Variants in FRMD7 observed in about 807,000 individuals in gnomAD.
The protein encoded by FRMD7 is FERM domain containing 7.
FRMD7 carries 14 observed loss-of-function variants against 44.1 expected under a neutral mutation model. The ratio of observed to expected loss-of-function variants is 0.32; its 90% CI spans 0.21 to 0.50. The LOEUF is 0.50. FRMD7 is among the 20% of genes least tolerant of loss of function. The pLI, the probability that FRMD7 is intolerant of heterozygous loss-of-function variation, is 0.99. For synonymous variants in FRMD7, 212 were observed against 187.4 expected (o/e 1.13, Z -1.07); for missense variants, 501 against 522.3 (o/e 0.96, Z 0.40).
At chrX:132,114,921 T>C (rs1252903851) in intron 1 of FRMD7, among the ~76,000 whole-genome samples, 1 of 112,508 alleles carries the variant, frequency 8.9e-6, no homozygotes, top group Non-Finnish European at 1.9e-5. Flanking sequence ...ACCTAGTCTC[T>C]TCACTTGGGT....
chrX:132,087,364 T>G lies in FRMD7; in HGVS notation c.383-1330A>C, dbSNP rs968559873. Among the ~76,000 whole-genome samples, 3 of 111,700 alleles carry G rather than the reference T, an allele frequency of 2.7e-5. No homozygotes were observed. In the South Asian group the frequency reaches 1.1e-3, roughly 43 times the overall value. ...TCTATTGGATAAGATACATGGACAATAGGATACCTATTTTGAGTGCTGGAG... is the reference window on the plus strand; with the variant it reads ...TCTATTGGATAAGATACATGGACAAGAGGATACCTATTTTGAGTGCTGGAG... On this transcript the variant is annotated intron_variant, in intron 5 of 11. Transcript: ENST00000298542.
At chrX:132,091,990 A>T (rs1928190686) in intron 5 of FRMD7, among the ~76,000 whole-genome samples, 1 of 112,194 alleles carries the variant, frequency 8.9e-6, no homozygotes, top group Non-Finnish European at 1.9e-5. Flanking sequence ...GCTACCATGC[A>T]TTATATAATT....
chrX:132,078,710 A>G lies in FRMD7; in HGVS notation c.1307T>C (p.Ile436Thr). Residue 436 changes from isoleucine to threonine, a missense_variant, in exon 12 of 12, where the codon ATT becomes ACT. Physicochemically the swap from Ile to Thr is moderately conservative, Grantham distance 89. This residue lies in a region of FRMD7 where 453 missense variants were observed against 452.7 expected (regional missense o/e 1.00). Transcript: ENST00000298542. ...EPNPNPDPRDIFSERSSLSSF... is the reference protein window; with the variant it reads ...EPNPNPDPRDTFSERSSLSSF... The stretch of plus-strand genomic sequence containing the variant: ...GCTTAGAGAACTCCTCTCTGAAAAA[A>G]TGTCTCTGGGATCAGGGTTAGGATT... The G allele has an allele frequency of 8.3e-7, 1 of 1,211,422 alleles. No individual in the cohort carries two copies. Among genetic ancestry groups the G allele is most frequent in the Non-Finnish European group, 1.1e-6 (1 of 895,127 alleles).
intron 4 of FRMD7, among the ~76,000 whole-genome samples, chrX:132,095,750 A>C (rs187050669): frequency 3.5e-5 from 4 of 112,819 alleles, no homozygotes; most frequent in African/African-American, 9.6e-5. Context: ...ACTAAAGTTA[A>C]GTATTATTTA....
intron 5 of FRMD7, among the ~76,000 whole-genome samples, chrX:132,088,872 A>G (rs1246958423): frequency 8.9e-6 from 1 of 112,225 alleles, no homozygotes; most frequent in African/African-American, 3.2e-5. Context: ...GAGATAGTTC[A>G]TGTTCACAGA....
At chrX:132,079,097 T>G in intron 11 of FRMD7, 131 bp from the exon 12 acceptor site, 1 of 564,534 alleles carries the variant, frequency 1.8e-6, no homozygotes, top group Non-Finnish European at 3.1e-6. Flanking sequence ...CCATGTTCTA[T>G]TCTAGGGTAG....
chrX:132,127,675 C>T (rs753287937), intron 1 of FRMD7, 113 bp downstream of exon 1: 35 of 608,806 alleles, frequency 5.7e-5, no homozygotes, highest in Non-Finnish European at 8.8e-5. Flanking sequence ...AAATCACAGT[C>T]CTCCTTCATT....
chrX:132,080,252 CT>C lies in FRMD7; in HGVS notation c.919del (p.Arg307GlyfsTer12). ...TTTTCTCCCATATTCCAAAAGTTGC[CT>C]TTGGGTTCGTCCACTATCATAAGGA... ...SSFRYSGRTQ[R>X]QLLEYGRKGR... On this transcript the variant is annotated frameshift_variant, in exon 10 of 12. Transcript: ENST00000298542. LOFTEE classifies it high-confidence loss of function. 8.4e-7 allele frequency: 1 copy of C among 1,196,189 alleles called. No individual in the cohort carries two copies. The highest frequency in any genetic ancestry group is 1.1e-6 in the Non-Finnish European group (1 of 881,264).
rs747828860 is a variant in FRMD7 at position 132,127,973 on chromosome X, C to T, written c.-129G>A. On this transcript the variant is annotated 5_prime_UTR_variant, in exon 1 of 12. Coordinates refer to ENST00000298542, the MANE Select transcript of FRMD7 (RefSeq NM_194277.3). Reference sequence around the variant, plus strand: ...CCCAGCCAGGCATTCCCACTGTCAGCGGGGCACACTTCCGTTTGCTTGAAG... The same window carrying T: ...CCCAGCCAGGCATTCCCACTGTCAGTGGGGCACACTTCCGTTTGCTTGAAG... The T allele has an allele frequency of 5.2e-4, 296 of 566,616 alleles. 2 individuals carry two copies. The highest frequency in any genetic ancestry group is 3.2e-3 in the South Asian group (137 of 42,303). The allele number at this position is 566,616 out of a possible 1,213,427, so 46.7% of individuals were successfully genotyped here.
At position 132,119,470 on chromosome X, in the gene FRMD7, A is replaced by T. The variant is rs762748972; in HGVS notation, c.57+8318T>A. Among the ~76,000 whole-genome samples the T allele has an allele frequency of 2.4e-3, 266 of 111,328 alleles. 1 individual carries two copies. The highest frequency in any genetic ancestry group is 8.3e-3 in the African/African-American group (255 of 30,600). ...TAGAAGGAATCTCAGAGGACAAAGG[A>T]CCTCTTGTTTAAGACAACTAAGCCC... On this transcript the variant is annotated intron_variant, in intron 1 of 11. Coordinates refer to ENST00000298542, the MANE Select transcript of FRMD7 (RefSeq NM_194277.3).
chrX:132,126,933 T>C (rs1404372901), intron 1 of FRMD7, among the ~76,000 whole-genome samples: 1 of 112,116 alleles, frequency 8.9e-6, no homozygotes, highest in Non-Finnish European at 1.9e-5. Context: ...ACACACAACA[T>C]CATGGCTGAG....
In FRMD7 at chrX:132,086,661, GA is replaced by G. The variant is rs768288026; in HGVS notation, c.383-628del. 6.3e-3 allele frequency among the ~76,000 whole-genome samples: 589 copies of G among 93,619 alleles called. 7 individuals are homozygous for G. Among genetic ancestry groups the G allele is most frequent in the African/African-American group, 0.018 (462 of 25,967 alleles). 81.3% of individuals were successfully genotyped at this position (93,619 alleles called of 115,157 possible). A position where few individuals can be genotyped will look rare whatever the true frequency, so the allele number is the denominator to read the frequency against. On this transcript the variant is annotated intron_variant, in intron 5 of 11. Transcript: ENST00000298542. ...TGCTAGCCAAGGAGAAAGGCCTCAG[GA>G]AAAAAAAAAAAACAACTGCTGACAG...
intron 1 of FRMD7, among the ~76,000 whole-genome samples, chrX:132,111,518 A>G (rs969810696): frequency 3.6e-5 from 4 of 111,903 alleles, no homozygotes; most frequent in East Asian, 2.8e-4. Context: ...ACTTACCCCA[A>G]TCACCCACTC....
chrX:132,090,487 C>T (rs930396279), intron 5 of FRMD7, among the ~76,000 whole-genome samples: 4 of 111,456 alleles, frequency 3.6e-5, no homozygotes, highest in Non-Finnish European at 7.5e-5. Flanking sequence ...ATTTCATTTA[C>T]ATGAAATGTT....
rs753094678 is a variant in FRMD7, at chrX:132,087,378, T to G, written c.383-1344A>C. 2.6e-3 allele frequency among the ~76,000 whole-genome samples: 295 copies of G among 111,851 alleles called. 1 individual carries two copies. Among genetic ancestry groups the G allele is most frequent in the Non-Finnish European group, 5.0e-3 (265 of 53,102 alleles). ...TACATGGACAATAGGATACCTATTTTGAGTGCTGGAGGGCTGTTTTTTTTC... is the reference window on the plus strand; with the variant it reads ...TACATGGACAATAGGATACCTATTTGGAGTGCTGGAGGGCTGTTTTTTTTC... On this transcript the variant is annotated intron_variant, in intron 5 of 11. Transcript: ENST00000298542.
chrX:132,080,030 G>A lies in FRMD7; in HGVS notation c.1026C>T (p.Asp342=). 1 of 1,195,363 alleles carries A rather than the reference G, an allele frequency of 8.4e-7. No homozygotes were observed. Among genetic ancestry groups the A allele is most frequent in the Non-Finnish European group, 1.1e-6 (1 of 880,621 alleles). Reference sequence around the variant, plus strand: ...CTTGTTTTGACACATCAGAGAGGAGGTCTGGTGAGGACCTGCACTGTCGTT... The same window carrying A: ...CTTGTTTTGACACATCAGAGAGGAGATCTGGTGAGGACCTGCACTGTCGTT... The part of the protein sequence containing the change: ...YHERQCRSSP[D]LLSDVSKQVE... The change falls in exon 11 of 12, where the codon GAC becomes GAT. Residue 342 remains aspartate, a synonymous_variant. Transcript: ENST00000298542.
At position 132,090,991 on chromosome X, in the gene FRMD7, T is replaced by C. The variant is rs1364649852; in HGVS notation, c.382+3051A>G. ...CCAAACTACCATGGTCTCTCTCTCC[T>C]GTAATATCCTTTTATCTAGTCTCCC... On this transcript the variant is annotated intron_variant, in intron 5 of 11. Coordinates refer to ENST00000298542, the MANE Select transcript of FRMD7 (RefSeq NM_194277.3). 2.7e-5 allele frequency among the ~76,000 whole-genome samples: 3 copies of C among 111,228 alleles called. No individual in the cohort carries two copies. In the Admixed American group the frequency reaches 2.9e-4, roughly 11 times the overall value.
chrX:132,094,720 A>G (rs1248592309), intron 4 of FRMD7, among the ~76,000 whole-genome samples: 2 of 112,113 alleles, frequency 1.8e-5, no homozygotes, highest in Non-Finnish European at 3.8e-5. Context: ...ACTGTGTTTT[A>G]GAAATGAAGA....
chrX:132,126,064 C>G (rs1176142567), intron 1 of FRMD7, among the ~76,000 whole-genome samples: 1 of 103,980 alleles, frequency 9.6e-6, no homozygotes, highest in African/African-American at 3.8e-5. Flanking sequence ...CTACTGCTAT[C>G]ATCATCATCA....
Sources: allele counts gnomAD v4.1 joint callset (sites outside exome capture counted in the v4.1 genomes callset), GRCh38; gene constraint gnomAD v4.1.1; regional missense constraint gnomAD v4.1.1; transcripts MANE v1.5; gene names NCBI Gene and HGNC (gene_info 2026-07-23, HGNC 2026-07-21).